PRR16: variants seen among roughly 807,000 people sequenced by gnomAD.
The protein encoded by PRR16 is proline rich 16, also known as protein Largen.
A neutral mutation model predicts 18.2 loss-of-function variants in PRR16; 6 were observed. The ratio of observed to expected loss-of-function variants is 0.33; its 90% CI spans 0.18 to 0.65. PRR16 has a LOEUF of 0.65. Ranked by LOEUF, PRR16 falls within the 30% of genes least tolerant of loss-of-function variation. The pLI is 0.74. For synonymous variants in PRR16, 151 were observed against 147.8 expected, an observed-to-expected ratio of 1.02 and a Z score of -0.16; for missense variants, 412 against 376.6, an observed-to-expected ratio of 1.09 and a Z score of -0.78.
chr5:120,618,488 C>A, intron 1 of PRR16: 1 of 968,782 alleles, frequency 1.0e-6, no homozygotes, highest in Non-Finnish European at 1.2e-6. Context: ...TTAATGTGTT[C>A]TAATTGTTGT....
intron 1 of PRR16, among the ~76,000 whole-genome samples, chr5:120,502,375 A>G (rs1580656553): frequency 6.7e-6 from 1 of 149,804 alleles, no homozygotes; most frequent in East Asian, 1.9e-4. Flanking sequence ...TATATTATAT[A>G]TATATGTTAG....
the PRR16 span, among the ~76,000 whole-genome samples, chr5:120,765,871 ATAAC>A: frequency 1.3e-5 from 2 of 151,972 alleles, no homozygotes; most frequent in Non-Finnish European, 2.9e-5. Flanking sequence ...ATAGCCTTTT[ATAAC>A]TAACTTATTT....
chr5:120,693,894 C>T, the PRR16 span, among the ~76,000 whole-genome samples: 5 of 152,184 alleles, frequency 3.3e-5, no homozygotes, highest in African/African-American at 1.2e-4. Flanking sequence ...TTCACAAGGT[C>T]GTGGTCCTTG....
chr5:120,626,825 A>G (rs563964175), intron 1 of PRR16, among the ~76,000 whole-genome samples: 48 of 152,286 alleles, frequency 3.2e-4, no homozygotes, highest in Middle Eastern at 3.4e-3. Context: ...TAAATTGGCA[A>G]TAAAATAGGA....
intron 1 of PRR16, among the ~76,000 whole-genome samples, chr5:120,673,222 A>G (rs946728185): frequency 2.6e-5 from 4 of 152,250 alleles, no homozygotes; most frequent in African/African-American, 9.6e-5. Flanking sequence ...ATGCTTTAGT[A>G]TCACTTTCTC....
intron 1 of PRR16, among the ~76,000 whole-genome samples, chr5:120,597,174 T>A (rs1753840833): frequency 6.6e-6 from 1 of 151,698 alleles, no homozygotes; most frequent in Admixed American, 6.6e-5. Flanking sequence ...TATAGAAGAC[T>A]TTATTTATTG....
intron 1 of PRR16, among the ~76,000 whole-genome samples, chr5:120,515,285 C>G (rs531128274): frequency 1.3e-5 from 2 of 152,142 alleles, no homozygotes; most frequent in African/African-American, 4.8e-5. Flanking sequence ...GCAGAAGCCT[C>G]ATAACCCAAT....
chr5:120,670,563 A>G (rs1756564755), intron 1 of PRR16, among the ~76,000 whole-genome samples: 1 of 152,160 alleles, frequency 6.6e-6, no homozygotes, highest in African/African-American at 2.4e-5. Flanking sequence ...CTTTCATGTC[A>G]CGTATTCTGG....
At chr5:120,543,983 A>T (rs1751997002) in intron 1 of PRR16, among the ~76,000 whole-genome samples, 1 of 152,134 alleles carries the variant, frequency 6.6e-6, no homozygotes, top group Non-Finnish European at 1.5e-5. Flanking sequence ...AATCATGAAG[A>T]GTTGTTATTC....
At chr5:120,658,925 C>T (rs762690737) in intron 1 of PRR16, among the ~76,000 whole-genome samples, 2 of 151,814 alleles carry the variant, frequency 1.3e-5, no homozygotes, top group Non-Finnish European at 2.9e-5. Flanking sequence ...CCCTCCTGCC[C>T]TCCCCAGTCC....
the PRR16 span, among the ~76,000 whole-genome samples, chr5:120,792,442 C>T: frequency 6.6e-6 from 1 of 152,150 alleles, no homozygotes; most frequent in Admixed American, 6.5e-5. Flanking sequence ...TCATCTTCAA[C>T]TTTTAAACCT....
At chr5:120,555,379 G>A (rs1041988406) in intron 1 of PRR16, among the ~76,000 whole-genome samples, 1 of 151,912 alleles carries the variant, frequency 6.6e-6, no homozygotes, top group Non-Finnish European at 1.5e-5. Flanking sequence ...CTTAAGCAAT[G>A]GGAATTTATT....
intron 1 of PRR16, among the ~76,000 whole-genome samples, chr5:120,548,662 G>T (rs1191160609): frequency 6.6e-6 from 1 of 150,834 alleles, no homozygotes; most frequent in Non-Finnish European, 1.5e-5. Flanking sequence ...TGTTGTCCTG[G>T]AACTATCTTT....
At chr5:120,786,743 GCTGT>G in the PRR16 span, among the ~76,000 whole-genome samples, 81 of 151,932 alleles carry the variant, frequency 5.3e-4, no homozygotes, top group African/African-American at 1.9e-3. Flanking sequence ...AGCTTTGCTT[GCTGT>G]CTTTGGCATT....
At chr5:120,759,891 G>T in the PRR16 span, among the ~76,000 whole-genome samples, 2 of 152,068 alleles carry the variant, frequency 1.3e-5, no homozygotes, top group African/African-American at 4.8e-5. Flanking sequence ...CATTTAGAAG[G>T]TTGGGGGATC....
chr5:120,567,179 C>A (rs1200583694), intron 1 of PRR16, among the ~76,000 whole-genome samples: 1 of 152,090 alleles, frequency 6.6e-6, no homozygotes, highest in Non-Finnish European at 1.5e-5. Flanking sequence ...TAATAACATT[C>A]TTTTATTCAT....
chr5:120,672,862 C>T (rs1263846356), intron 1 of PRR16, among the ~76,000 whole-genome samples: 2 of 152,118 alleles, frequency 1.3e-5, no homozygotes, highest in Non-Finnish European at 2.9e-5. Context: ...TCTTTCTGAA[C>T]ATGATTAACA....
the PRR16 span, among the ~76,000 whole-genome samples, chr5:120,765,252 T>C: frequency 9.2e-5 from 14 of 152,156 alleles, no homozygotes; most frequent in African/African-American, 3.4e-4. Context: ...GTGCCTCTAA[T>C]GATGTTTAAA....
At chr5:120,474,395 T>G (rs939161221) in intron 1 of PRR16, among the ~76,000 whole-genome samples, 6 of 152,170 alleles carry the variant, frequency 3.9e-5, no homozygotes, top group Admixed American at 3.9e-4. Flanking sequence ...TTCTAGATGA[T>G]GCCACATGTC....
Sources: gnomAD v4.1 joint callset for allele counts (sites outside exome capture counted in the v4.1 genomes callset) on GRCh38, gnomAD v4.1.1 for gene constraint, MANE v1.5 for transcripts, NCBI Gene and HGNC (gene_info 2026-07-23, HGNC 2026-07-21) for gene names.